MAP1B: variants seen among roughly 807,000 people sequenced by gnomAD.
MAP1B encodes the protein microtubule associated protein 1B, also known as microtubule-associated protein 1B.
In MAP1B, 12 loss-of-function variants were observed where a neutral mutation model predicts 176.1. The observed-to-expected ratio is 0.07, with a 90% CI of 0.04 to 0.11. The LOEUF (loss-of-function observed/expected upper bound fraction) is 0.11, where lower values mean the gene tolerates loss of function less well. Ranked by LOEUF, MAP1B falls within the 10% of genes least tolerant of loss-of-function variation. The pLI is 1.00. For synonymous variants in MAP1B, 1,044 were observed against 1,135.0 expected, an observed-to-expected ratio of 0.92 and a Z score of 1.61; for missense variants, 2,523 against 2,990.5, an observed-to-expected ratio of 0.84 and a Z score of 3.65.
intron 1 of MAP1B, among the ~76,000 whole-genome samples, chr5:72,109,820 C>A (rs1745286223): frequency 6.6e-6 from 1 of 152,242 alleles, no homozygotes; most frequent in Admixed American, 6.5e-5. Flanking sequence ...TGGCCATCCA[C>A]TTGTGGGCAG....
intron 2 of MAP1B, among the ~76,000 whole-genome samples, chr5:72,182,023 C>CTTTTTTT (rs34251206): frequency 4.2e-5 from 4 of 94,752 alleles, no homozygotes; most frequent in South Asian, 3.4e-4. Context: ...CGCACCTGGC[C>CTTTTTTT]TTTTTTTTTT....
intron 2 of MAP1B, among the ~76,000 whole-genome samples, chr5:72,161,550 C>A (rs1462743885): frequency 6.6e-6 from 1 of 152,232 alleles, no homozygotes; most frequent in Non-Finnish European, 1.5e-5. Context: ...GGTGAAGAGT[C>A]ACAGTGGCAT....
intron 6 of MAP1B, 21 bp from the exon 7 acceptor site, chr5:72,205,061 ATT>A (rs763152671): frequency 4.8e-6 from 7 of 1,444,770 alleles, no homozygotes; most frequent in South Asian, 3.9e-5. Flanking sequence ...TTAAATAGCT[ATT>A]TTTTTTTTCT....
In MAP1B at chr5:72,200,306, C is replaced by G; in HGVS notation, c.6951C>G (p.Asp2317Glu). Residue 2317 changes from aspartate (D) to glutamate (E), a missense_variant, in exon 5 of 7, where the codon GAC (aspartate) becomes GAG (glutamate). By Grantham distance (45) the Asp-to-Glu change is conservative (BLOSUM62 2). Transcript: ENST00000296755. The stretch of plus-strand genomic sequence containing the variant: ...AAGCTGCACGTGGGGAAGAGAAAGA[C>G]AAGGAGACCAAGAATGCTGCCAATG... ...EVKAARGEEK[D>E]KETKNAANAS... The G allele has an allele frequency of 1.9e-6, 3 of 1,614,226 alleles. No homozygotes were observed. The highest frequency in any genetic ancestry group is 2.5e-6 in the Non-Finnish European group (3 of 1,180,048).
intron 1 of MAP1B, among the ~76,000 whole-genome samples, chr5:72,108,818 G>A (rs1745213574): frequency 6.6e-6 from 1 of 152,196 alleles, no homozygotes; most frequent in Admixed American, 6.5e-5. Flanking sequence ...TCCCTGGGTG[G>A]GCAGCTCTGG....
intron 2 of MAP1B, among the ~76,000 whole-genome samples, chr5:72,144,447 G>A (rs974419644): frequency 1.3e-5 from 2 of 152,248 alleles, no homozygotes; most frequent in Admixed American, 6.5e-5. Context: ...ACAGGATGGT[G>A]CAGGGATGCG....
rs1474564126 is a variant in MAP1B at position 72,198,219 on chromosome 5, C to T, written c.4864C>T (p.Pro1622Ser). The change falls in exon 5 of 7, where the codon CCA becomes TCA. Residue 1622 changes from proline (P) to serine (S), a missense_variant. Pro to Ser is a moderately conservative substitution (Grantham distance 74, BLOSUM62 -1). Transcript: ENST00000296755. Reference protein sequence around the residue: ...ECPRPMSISPPDFSPKTAKSR... With the variant: ...ECPRPMSISPSDFSPKTAKSR... ...CCCAAGACCGATGTCAATTTCTCCA[C>T]CAGATTTCTCCCCTAAAACTGCAAA... 3.1e-6 allele frequency: 5 copies of T among 1,614,112 alleles called. No individual in the cohort carries two copies. In the Admixed American group the frequency reaches 5.0e-5, roughly 16 times the overall value.
At chr5:72,108,877 T>G (rs1745227751) in intron 1 of MAP1B, among the ~76,000 whole-genome samples, 1 of 152,186 alleles carries the variant, frequency 6.6e-6, no homozygotes, top group Non-Finnish European at 1.5e-5. Context: ...CCCTCGCTCC[T>G]GACAGAGGTC....
chr5:72,202,499 G>A (rs975697478), intron 5 of MAP1B, among the ~76,000 whole-genome samples: 2 of 152,218 alleles, frequency 1.3e-5, no homozygotes, highest in Non-Finnish European at 2.9e-5. Flanking sequence ...AATCTGGGAT[G>A]ATAGTCTTTA....
At chr5:72,115,185 G>A (rs1011198996) in intron 1 of MAP1B, among the ~76,000 whole-genome samples, 3 of 152,030 alleles carry the variant, frequency 2.0e-5, no homozygotes, top group Admixed American at 1.3e-4. Flanking sequence ...ATTGGTAAAG[G>A]AAAGAAATTA....
intron 2 of MAP1B, among the ~76,000 whole-genome samples, chr5:72,128,377 G>A (rs570662288): frequency 2.7e-4 from 40 of 146,490 alleles, no homozygotes; most frequent in African/African-American, 7.8e-4. Context: ...TAGTCCTTCT[G>A]AAAAAGAGTC....
intron 2 of MAP1B, among the ~76,000 whole-genome samples, chr5:72,162,550 C>A (rs1424523173): frequency 1.3e-5 from 2 of 151,992 alleles, no homozygotes; most frequent in African/African-American, 4.8e-5. Context: ...CTGCTCCCTG[C>A]AGTTACAGGT....
chr5:72,130,743 T>G (rs1745715738), intron 2 of MAP1B, among the ~76,000 whole-genome samples: 3 of 152,200 alleles, frequency 2.0e-5, no homozygotes, highest in Admixed American at 6.5e-5. Flanking sequence ...TACTGCTAAG[T>G]AGATTTGTGC....
intron 5 of MAP1B, among the ~76,000 whole-genome samples, chr5:72,202,663 C>A (rs1355932266): frequency 4.6e-5 from 7 of 152,230 alleles, no homozygotes; most frequent in African/African-American, 1.7e-4. Context: ...TTAAGTCAGA[C>A]TCTAGAGAAT....
intron 6 of MAP1B, 82 bp from the exon 7 acceptor site, chr5:72,205,002 T>C: frequency 9.2e-7 from 1 of 1,084,360 alleles, no homozygotes; most frequent in African/African-American, 1.6e-5. Flanking sequence ...CTTCCAGTGG[T>C]CTAATACCTT....
At position 72,208,345 on chromosome 5, in the gene MAP1B, A is replaced by G. The variant is rs1747499164; in HGVS notation, c.*3106A>G. 6.6e-6 allele frequency: 1 copy of G among 152,200 alleles called. No homozygotes were observed. Among genetic ancestry groups the G allele is most frequent in the Non-Finnish European group, 1.5e-5 (1 of 68,030 alleles). The allele number at this position is 152,200 out of a possible 1,614,324, so 9.4% of individuals were successfully genotyped here. ...TAGATTGAATATTTGAGTGGAAGGAATTTACACTCTGTTTAAATGATGGGA... is the reference window on the plus strand; with the variant it reads ...TAGATTGAATATTTGAGTGGAAGGAGTTTACACTCTGTTTAAATGATGGGA... On this transcript the variant is annotated 3_prime_UTR_variant, in exon 7 of 7. Transcript: ENST00000296755.
rs78586759 is a variant in MAP1B, at chr5:72,111,296, T to A, written c.184+3581T>A. Among the ~76,000 whole-genome samples the A allele has an allele frequency of 9.7e-3, 1,474 of 152,274 alleles. 23 individuals carry two copies. The highest frequency in any genetic ancestry group is 0.033 in the African/African-American group (1,390 of 41,542). On this transcript the variant is annotated intron_variant, in intron 1 of 6. Transcript: ENST00000296755. The stretch of plus-strand genomic sequence containing the variant: ...AGGAACTAAAACATATAAAGAATAT[T>A]AAGTGTCTGTTGGATGTTTTCAATT...
At chr5:72,129,439 C>G (rs1202754153) in intron 2 of MAP1B, among the ~76,000 whole-genome samples, 1 of 152,114 alleles carries the variant, frequency 6.6e-6, no homozygotes, top group African/African-American at 2.4e-5. Context: ...CACCTGTAGT[C>G]CCAGCTACTC....
At chr5:72,118,636 C>T (rs574430274) in intron 2 of MAP1B, among the ~76,000 whole-genome samples, 6 of 152,156 alleles carry the variant, frequency 3.9e-5, no homozygotes, top group South Asian at 2.1e-4. Flanking sequence ...AACATAGAGA[C>T]GGGGTCTCAC....
Sources: gnomAD v4.1 joint callset for allele counts (sites outside exome capture counted in the v4.1 genomes callset) on GRCh38, gnomAD v4.1.1 for gene constraint, MANE v1.5 for transcripts, NCBI Gene and HGNC (gene_info 2026-07-23, HGNC 2026-07-21) for gene names.